CNTNAP2: variants seen among roughly 807,000 people sequenced by gnomAD.
CNTNAP2 encodes the protein contactin-associated protein-like 2.
A neutral mutation model predicts 155.2 loss-of-function variants in CNTNAP2; 98 were observed. The ratio of observed to expected loss-of-function variants is 0.63; its 90% CI spans 0.54 to 0.75. The LOEUF (loss-of-function observed/expected upper bound fraction) is 0.75. CNTNAP2 is among the 30% of genes least tolerant of loss of function. CNTNAP2 has a pLI of 0.00. For missense variants in CNTNAP2, 1,727 were observed against 1,688.1 expected, an observed-to-expected ratio of 1.02 and a Z score of -0.40; for synonymous variants, 651 against 631.2, an observed-to-expected ratio of 1.03 and a Z score of -0.47.
intron 8 of CNTNAP2, among the ~76,000 whole-genome samples, chr7:147,204,542 A>G (rs867862726): frequency 6.6e-6 from 1 of 152,168 alleles, no homozygotes; most frequent in Admixed American, 6.5e-5. Flanking sequence ...AGTAAACTCC[A>G]TGAAAGGAGC....
intron 1 of CNTNAP2, among the ~76,000 whole-genome samples, chr7:146,427,866 T>A (rs59094504): frequency 0.012 from 1,866 of 152,282 alleles, 49 homozygotes; most frequent in African/African-American, 0.043. Context: ...CCAGCATCCA[T>A]CAGCTATTCT....
chr7:147,660,289 C>G (rs867929247), intron 13 of CNTNAP2, among the ~76,000 whole-genome samples: 4 of 152,190 alleles, frequency 2.6e-5, no homozygotes, highest in South Asian at 2.1e-4. Context: ...CCTGCTGCTT[C>G]CTACAACCTT....
intron 13 of CNTNAP2, among the ~76,000 whole-genome samples, chr7:147,892,161 A>G (rs1477565363): frequency 6.6e-6 from 1 of 152,232 alleles, no homozygotes; most frequent in East Asian, 1.9e-4. Context: ...ACTATTCTTA[A>G]CAGGTGATAG....
chr7:148,282,319 G>A (rs1284973024), intron 21 of CNTNAP2, among the ~76,000 whole-genome samples: 1 of 152,174 alleles, frequency 6.6e-6, no homozygotes, highest in Non-Finnish European at 1.5e-5. Flanking sequence ...TGAACATTGA[G>A]GGTCAGGCTC....
At chr7:146,602,819 T>C (rs1021997248) in intron 1 of CNTNAP2, among the ~76,000 whole-genome samples, 1 of 152,178 alleles carries the variant, frequency 6.6e-6, no homozygotes, top group Non-Finnish European at 1.5e-5. Flanking sequence ...ACTTTCAAGT[T>C]TGAAACACCA....
intron 12 of CNTNAP2, among the ~76,000 whole-genome samples, chr7:147,571,944 T>C (rs1324111091): frequency 6.6e-6 from 1 of 152,232 alleles, no homozygotes; most frequent in Non-Finnish European, 1.5e-5. Flanking sequence ...ACACATCTTC[T>C]CCTCTTTGTC....
intron 1 of CNTNAP2, among the ~76,000 whole-genome samples, chr7:146,117,775 C>G (rs1490681086): frequency 6.6e-6 from 1 of 152,080 alleles, no homozygotes; most frequent in Non-Finnish European, 1.5e-5. Flanking sequence ...GATTCTGGCC[C>G]ATTTTCTGCA....
At chr7:146,593,878 A>G (rs1798820190) in intron 1 of CNTNAP2, among the ~76,000 whole-genome samples, 1 of 152,256 alleles carries the variant, frequency 6.6e-6, no homozygotes, top group South Asian at 2.1e-4. Flanking sequence ...AGAATCTTGC[A>G]GAGTTGGTTT....
intron 1 of CNTNAP2, among the ~76,000 whole-genome samples, chr7:146,313,781 C>G (rs1294369801): frequency 6.6e-6 from 1 of 152,078 alleles, no homozygotes; most frequent in African/African-American, 2.4e-5. Flanking sequence ...GGCAGATCAC[C>G]TGAGGTCAGG....
intron 1 of CNTNAP2, among the ~76,000 whole-genome samples, chr7:146,352,577 T>A (rs1009718851): frequency 3.9e-5 from 6 of 151,998 alleles, no homozygotes; most frequent in Non-Finnish European, 8.8e-5. Flanking sequence ...AATGATTTCA[T>A]AATCATTAAT....
chr7:148,095,496 A>G (rs1380291908), intron 15 of CNTNAP2, among the ~76,000 whole-genome samples: 2 of 152,218 alleles, frequency 1.3e-5, no homozygotes, highest in African/African-American at 4.8e-5. Context: ...CAGTGTTTGC[A>G]GAGCTTCTGT....
chr7:147,777,589 A>G (rs572583216), intron 13 of CNTNAP2, among the ~76,000 whole-genome samples: 5 of 152,258 alleles, frequency 3.3e-5, no homozygotes, highest in Admixed American at 2.6e-4. Flanking sequence ...CTTCAATTCC[A>G]TTGTTTTTTC....
At chr7:148,141,486 T>C (rs922499723) in intron 16 of CNTNAP2, among the ~76,000 whole-genome samples, 1 of 152,202 alleles carries the variant, frequency 6.6e-6, no homozygotes, top group African/African-American at 2.4e-5. Flanking sequence ...AATGAGTGGA[T>C]TTCTCTTTTC....
At chr7:148,405,420 ATTTTTTTTTTTTT>A (rs36020816) in intron 22 of CNTNAP2, among the ~76,000 whole-genome samples, 27 of 64,308 alleles carry the variant, frequency 4.2e-4, no homozygotes, top group African/African-American at 1.8e-3. Context: ...TACCATTGTA[ATTTTTTTTTTTTT>A]TTTTTTTTTT....
intron 3 of CNTNAP2, among the ~76,000 whole-genome samples, chr7:146,978,205 A>G (rs1173114921): frequency 6.6e-6 from 1 of 152,184 alleles, no homozygotes; most frequent in East Asian, 1.9e-4. Flanking sequence ...TAAAAATTCA[A>G]CTACCTTTGC....
At chr7:148,284,722 G>T (rs73464146) in intron 21 of CNTNAP2, among the ~76,000 whole-genome samples, 22,374 of 151,902 alleles carry the variant, frequency 0.15, 2,156 homozygotes, top group African/African-American at 0.27. Flanking sequence ...CGAAGAAAAA[G>T]GTCTGGGCTA....
intron 16 of CNTNAP2, among the ~76,000 whole-genome samples, chr7:148,119,962 A>G (rs17170844): frequency 0.29 from 43,508 of 151,482 alleles, 6,913 homozygotes; most frequent in African/African-American, 0.42. Flanking sequence ...CTGGATAAGA[A>G]TAATTGAAAG....
intron 21 of CNTNAP2, among the ~76,000 whole-genome samples, chr7:148,284,563 T>C (rs1797048236): frequency 6.7e-6 from 1 of 149,696 alleles, no homozygotes; most frequent in Admixed American, 6.7e-5. Context: ...GCACACTAGA[T>C]TAACAAGTCC....
chr7:148,153,485 G>A (rs1805344105), intron 17 of CNTNAP2, among the ~76,000 whole-genome samples: 1 of 152,300 alleles, frequency 6.6e-6, no homozygotes, highest in African/African-American at 2.4e-5. Flanking sequence ...TCCAAAATGA[G>A]TGTCCAGCAT....
Sources: gnomAD v4.1 joint callset for allele counts (sites outside exome capture counted in the v4.1 genomes callset) on GRCh38, gnomAD v4.1.1 for gene constraint, MANE v1.5 for transcripts, NCBI Gene and HGNC (gene_info 2026-07-23, HGNC 2026-07-21) for gene names.